FARP2: variants seen among roughly 807,000 people sequenced by gnomAD.
FARP2 encodes the protein FERM, ARH/RhoGEF and pleckstrin domain protein 2.
In FARP2, 111 loss-of-function variants were observed where a neutral mutation model predicts 130.5. That is an observed-to-expected ratio of 0.85 (90% CI 0.73 to 1.00). The LOEUF (loss-of-function observed/expected upper bound fraction) is 1.00. Ranked by LOEUF, FARP2 falls within the 50% of genes least tolerant of loss-of-function variation. The pLI is 0.00. For synonymous variants in FARP2, 504 were observed against 516.9 expected, an observed-to-expected ratio of 0.98 and a Z score of 0.34; for missense variants, 1,385 against 1,346.3, an observed-to-expected ratio of 1.03 and a Z score of -0.45.
intron 1 of FARP2, among the ~76,000 whole-genome samples, chr2:241,367,726 G>A (rs1245558288): frequency 6.6e-6 from 1 of 152,006 alleles, no homozygotes; most frequent in East Asian, 1.9e-4. Flanking sequence ...AGAAATGTTA[G>A]CCTCTACCCG....
At position 241,493,004 on chromosome 2, in the gene FARP2, A is replaced by G; in HGVS notation, c.2863A>G (p.Asn955Asp). Reference protein sequence around the residue: ...GWQKLWVVFTNFCLFFYKTHQ... With the variant: ...GWQKLWVVFTDFCLFFYKTHQ... ...GCAGAAGCTCTGGGTCGTCTTTACCAACTTCTGTTTGTTCTTCTACAAAAC... is the reference window on the plus strand; with the variant it reads ...GCAGAAGCTCTGGGTCGTCTTTACCGACTTCTGTTTGTTCTTCTACAAAAC... The change falls in exon 25 of 27, where the codon AAC (asparagine) becomes GAC (aspartate). Residue 955 changes from asparagine to aspartate, a missense_variant. Physicochemically the swap from Asn to Asp is conservative, Grantham distance 23 (BLOSUM62 1). Coordinates refer to ENST00000264042, the MANE Select transcript of FARP2 (RefSeq NM_014808.4). The G allele has an allele frequency of 6.2e-7, 1 of 1,609,828 alleles. No individual in the cohort carries two copies.
At chr2:241,403,103 T>C (rs2062236814) in intron 2 of FARP2, among the ~76,000 whole-genome samples, 1 of 150,442 alleles carries the variant, frequency 6.6e-6, no homozygotes, top group Non-Finnish European at 1.5e-5. Flanking sequence ...TGATGTGAAA[T>C]GCTACCAAAT....
At chr2:241,419,017 C>A (rs1461152522) in intron 8 of FARP2, among the ~76,000 whole-genome samples, 1 of 152,082 alleles carries the variant, frequency 6.6e-6, no homozygotes, top group African/African-American at 2.4e-5. Context: ...GTCTGGGAGC[C>A]CATTGCCTGC....
At chr2:241,381,399 G>A (rs1328841456) in intron 2 of FARP2, among the ~76,000 whole-genome samples, 1 of 152,118 alleles carries the variant, frequency 6.6e-6, no homozygotes, top group Non-Finnish European at 1.5e-5. Flanking sequence ...CACAGGCTCT[G>A]GAGCGTGGAC....
intron 13 of FARP2, chr2:241,442,253 A>G (rs1173759517): frequency 2.2e-6 from 1 of 456,710 alleles, no homozygotes; most frequent in South Asian, 1.5e-5. Context: ...TCCATGGTCA[A>G]CTTCCCAGCC....
chr2:241,394,056 C>G (rs1173323226), intron 2 of FARP2, among the ~76,000 whole-genome samples: 1 of 152,104 alleles, frequency 6.6e-6, no homozygotes, highest in Non-Finnish European at 1.5e-5. Flanking sequence ...TGCCAGTGCT[C>G]TAACTGGCTG....
At chr2:241,470,006 A>G (rs903613121) in intron 18 of FARP2, among the ~76,000 whole-genome samples, 4 of 152,222 alleles carry the variant, frequency 2.6e-5, no homozygotes, top group Non-Finnish European at 5.9e-5. Flanking sequence ...GTGAGAGCCC[A>G]GTCGATGAAA....
intron 1 of FARP2, among the ~76,000 whole-genome samples, chr2:241,366,127 A>ATATATATACGTGTATATATATATACG (rs373040817): frequency 7.3e-6 from 1 of 136,482 alleles, no homozygotes. Context: ...ATATACGTAT[A>ATATATATACGTGTATATATATATACG]TATATATATA....
chr2:241,409,587 GT>G (rs888177144), intron 5 of FARP2, among the ~76,000 whole-genome samples: 4 of 152,046 alleles, frequency 2.6e-5, no homozygotes, highest in African/African-American at 4.8e-5. Flanking sequence ...AAAAGTAAAA[GT>G]TCTCCATTTA....
intron 19 of FARP2, among the ~76,000 whole-genome samples, chr2:241,483,222 C>T (rs1200648583): frequency 2.6e-5 from 4 of 152,198 alleles, no homozygotes; most frequent in African/African-American, 7.2e-5. Flanking sequence ...GGCTCCTAGC[C>T]CAGAGCAGGT....
chr2:241,454,826 A>G (rs144222580), intron 13 of FARP2, among the ~76,000 whole-genome samples: 25 of 152,344 alleles, frequency 1.6e-4, no homozygotes, highest in South Asian at 6.2e-4. Context: ...TGTGTTTTCA[A>G]TGTATCTTGT....
chr2:241,491,728 GTC>G (rs749988469), intron 24 of FARP2, 49 bp downstream of exon 24: 40 of 1,533,744 alleles, frequency 2.6e-5, no homozygotes, highest in Non-Finnish European at 3.2e-5. Flanking sequence ...GTTCCCAGCT[GTC>G]TCTGCACTTG....
intron 16 of FARP2, 28 bp from the exon 17 acceptor site, chr2:241,463,871 T>C (rs769158389): frequency 1.3e-6 from 2 of 1,595,358 alleles, no homozygotes; most frequent in Non-Finnish European, 8.6e-7. Flanking sequence ...TCACCATGTT[T>C]AGGATGACTT....
In FARP2 at chr2:241,485,104, G is replaced by A. The variant is rs538411593; in HGVS notation, c.2421+773G>A. Among the ~76,000 whole-genome samples, 114 of 152,040 alleles carry A rather than the reference G, an allele frequency of 7.5e-4. 1 individual carries two copies. The highest frequency in any genetic ancestry group is 3.4e-3 in the Middle Eastern group (1 of 294). ...CAGTGGTCCTCACTCCCTCCTTGTG[G>A]TCCTCCCTGTCAGTGATCTTCTCTC... On this transcript the variant is annotated intron_variant, in intron 21 of 26. Coordinates refer to ENST00000264042, the MANE Select transcript of FARP2 (RefSeq NM_014808.4).
Position 241,378,300 on chromosome 2 carries a change from G to A in FARP2, c.183+5010G>A, listed in dbSNP as rs549694864. 8.6e-5 allele frequency among the ~76,000 whole-genome samples: 13 copies of A among 150,902 alleles called. 2 individuals carry two copies. Among genetic ancestry groups the A allele is most frequent in the East Asian group, 3.9e-4 (2 of 5,134 alleles). On this transcript the variant is annotated intron_variant, in intron 2 of 26. Transcript: ENST00000264042. ...TTTTTTTTGTATTTTTAGTAGAGAC[G>A]GGGTTTCATCATGTTGGCCAGGCTG...
chr2:241,373,126 A>G lies in FARP2; in HGVS notation c.19A>G (p.Thr7Ala). 1 of 1,434,508 alleles carries G rather than the reference A, an allele frequency of 7.0e-7. No individual in the cohort carries two copies. The highest frequency in any genetic ancestry group is 9.3e-7 in the Non-Finnish European group (1 of 1,080,012). 88.9% of individuals were successfully genotyped at this position (1,434,508 alleles called of 1,614,324 possible). Residue 7 changes from threonine to alanine, a missense_variant, in exon 2 of 27, where the codon ACA (threonine) becomes GCA (alanine). Coordinates refer to ENST00000264042, the MANE Select transcript of FARP2 (RefSeq NM_014808.4). ...GTGAAGAATGGGGGAGATAGAAGGA[A>G]CATACAGAGTCCTGCAGACTGCAGG... MGEIEG[T>A]YRVLQTAGMR...
intron 17 of FARP2, chr2:241,466,755 A>G (rs1392357541): frequency 4.0e-6 from 1 of 249,514 alleles, no homozygotes. Flanking sequence ...ACCTGGAGAA[A>G]CATTCCCCAC....
intron 24 of FARP2, 23 bp from the exon 25 acceptor site, chr2:241,492,906 C>T: frequency 1.4e-6 from 2 of 1,427,764 alleles, no homozygotes; most frequent in Non-Finnish European, 2.0e-6. Flanking sequence ...GTTAATGCAC[C>T]TGCATTTTTC....
chr2:241,361,520 G>A (rs1472284787), intron 1 of FARP2, among the ~76,000 whole-genome samples: 1 of 152,214 alleles, frequency 6.6e-6, no homozygotes, highest in African/African-American at 2.4e-5. Context: ...CAGAGTTGCA[G>A]TGGGAAAAGG....
Sources: allele counts gnomAD v4.1 joint callset (sites outside exome capture counted in the v4.1 genomes callset), GRCh38; gene constraint gnomAD v4.1.1; transcripts MANE v1.5; gene names NCBI Gene and HGNC (gene_info 2026-07-23, HGNC 2026-07-21).